INPP5D: variants seen among roughly 807,000 people sequenced by gnomAD.
INPP5D encodes phosphatidylinositol 3,4,5-trisphosphate 5-phosphatase 1.
In INPP5D, 33 loss-of-function variants were observed where a neutral mutation model predicts 122.9. That is an observed-to-expected ratio of 0.27 (90% CI 0.20 to 0.36). The LOEUF (loss-of-function observed/expected upper bound fraction) is 0.36. INPP5D is among the 10% of genes least tolerant of loss of function. The pLI is 1.00. For missense variants in INPP5D, 1,053 were observed against 1,412.7 expected (o/e 0.75, Z 4.08); for synonymous variants, 584 against 576.2 (o/e 1.01, Z -0.19).
intron 21 of INPP5D, 76 bp downstream of exon 21, chr2:233,186,001 T>C: frequency 1.4e-6 from 2 of 1,461,366 alleles, no homozygotes; most frequent in Non-Finnish European, 1.8e-6. Flanking sequence ...GTGGCAGAGC[T>C]ATGGCCAGGC....
At chr2:233,204,000 A>G in intron 25 of INPP5D, 126 bp from the exon 26 acceptor site, 1 of 1,375,724 alleles carries the variant, frequency 7.3e-7, no homozygotes, top group Non-Finnish European at 9.5e-7. Context: ...TTGCAATGTT[A>G]CATGTCTCTA....
chr2:233,103,930 C>A (rs868110318), intron 2 of INPP5D, among the ~76,000 whole-genome samples: 3 of 149,450 alleles, frequency 2.0e-5, no homozygotes, highest in African/African-American at 5.0e-5. Flanking sequence ...TGGTCTCGAA[C>A]TCCTGACCTC....
At chr2:233,143,009 C>T (rs1289977027) in intron 6 of INPP5D, among the ~76,000 whole-genome samples, 2 of 152,292 alleles carry the variant, frequency 1.3e-5, no homozygotes, top group Non-Finnish European at 2.9e-5. Context: ...AGGGCAAAAT[C>T]GCCACCAGCT....
At position 233,170,659 on chromosome 2, in the gene INPP5D, TTTAGGAGGCCGAGG is replaced by T. The variant is rs1694470143; in HGVS notation, c.1900+56_1900+69del. The T allele has an allele frequency of 6.3e-7, 1 of 1,595,386 alleles. No individual in the cohort carries two copies. Among genetic ancestry groups the T allele is most frequent in the African/African-American group, 1.3e-5 (1 of 74,420 alleles). On this transcript the variant is annotated intron_variant, in intron 16 of 26. Coordinates refer to ENST00000445964, the MANE Select transcript of INPP5D (RefSeq NM_001017915.3). The surrounding 1 kb of genome is among the most constrained non-coding windows in gnomAD (Gnocchi z 4.5). ...TGGCTCACACCTGTAATCCCAGCAC[TTTAGGAGGCCGAGG>T]CGGGCGGATCACGAGATCAGGAGAT...
Position 233,161,651 on chromosome 2 carries a change from C to T in INPP5D, c.1138-73C>T. 4.7e-6 allele frequency: 7 copies of T among 1,483,902 alleles called. No homozygotes were observed. The Admixed American group carries it at 1.2e-4, about 26-fold the overall frequency. The allele number at this position is 1,483,902 out of a possible 1,614,324, so 91.9% of individuals were successfully genotyped here. A position where few individuals can be genotyped will look rare whatever the true frequency, so the allele number is the denominator to read the frequency against. ...CTCCTCTCAGTTTTCTTGAAGCTGA[C>T]CAAGTCCTTTGCAAAGTGTAATGTG... On this transcript the variant is annotated intron_variant, in intron 10 of 26. Transcript: ENST00000445964.
chr2:233,131,799 T>G (rs1236360276), intron 5 of INPP5D, among the ~76,000 whole-genome samples: 1 of 152,236 alleles, frequency 6.6e-6, no homozygotes, highest in Non-Finnish European at 1.5e-5. Context: ...GTTTTGTGTT[T>G]TATTACACAT....
intron 2 of INPP5D, among the ~76,000 whole-genome samples, chr2:233,097,798 G>C (rs904368072): frequency 2.0e-5 from 3 of 152,126 alleles, no homozygotes; most frequent in Non-Finnish European, 2.9e-5. Flanking sequence ...CTCATTTAGG[G>C]ACAGGGGAGT....
chr2:233,102,869 C>CAAAAAAAAA (rs1041744645), intron 2 of INPP5D, among the ~76,000 whole-genome samples: 28 of 145,978 alleles, frequency 1.9e-4, no homozygotes, highest in African/African-American at 4.1e-4. Context: ...AAAAAACAAC[C>CAAAAAAAAA]AAAAAACCAC....
chr2:233,174,351 G>GCAT, intron 17 of INPP5D, among the ~76,000 whole-genome samples: 1 of 152,370 alleles, frequency 6.6e-6, no homozygotes, highest in Non-Finnish European at 1.5e-5. Flanking sequence ...AGCTACAGCA[G>GCAT]CACTACGTGA....
intron 9 of INPP5D, among the ~76,000 whole-genome samples, chr2:233,150,034 TA>T: frequency 1.3e-5 from 2 of 152,228 alleles, no homozygotes; most frequent in South Asian, 2.1e-4. Flanking sequence ...CCCCTGTGTA[TA>T]GTGGCAAGTT....
intron 1 of INPP5D, among the ~76,000 whole-genome samples, chr2:233,063,176 GC>G (rs941927055): frequency 1.3e-5 from 2 of 152,152 alleles, no homozygotes; most frequent in African/African-American, 4.8e-5. Flanking sequence ...AGCAGGCTTT[GC>G]CCCCCTAGCC....
At position 233,189,924 on chromosome 2, in the gene INPP5D, C is replaced by T. The variant is rs201990211; in HGVS notation, c.2433C>T (p.Ser811=). ...HILISIKSSD[S]DESYGEGCIA... is the part of the protein sequence containing the mutation. ...TCATCAGCATCAAGTCCTCTGACAG[C>T]GACGAATCCTATGGTAAGGGTCTGT... The change falls in exon 22 of 27, where the codon AGC becomes AGT. Residue 811 remains serine (S), a synonymous_variant. Coordinates refer to ENST00000445964, the MANE Select transcript of INPP5D (RefSeq NM_001017915.3). This position sits in a 1 kb window ranked among gnomAD's most constrained non-coding sequence, Gnocchi z 5.6. The T allele has an allele frequency of 1.2e-4, 186 of 1,613,520 alleles. No individual in the cohort carries two copies. The highest frequency in any genetic ancestry group is 1.5e-4 in the Admixed American group (9 of 59,976).
At chr2:233,195,524 G>T in intron 24 of INPP5D, 29 bp downstream of exon 24, 3 of 1,612,798 alleles carry the variant, frequency 1.9e-6, no homozygotes, top group East Asian at 2.2e-5. Flanking sequence ...GGGTGTTGGG[G>T]GGGGTGGATA....
At chr2:233,171,350 A>AC (rs1694490553) in intron 17 of INPP5D, 198 bp downstream of exon 17, 1 of 683,928 alleles carries the variant, frequency 1.5e-6, no homozygotes, top group South Asian at 2.8e-5. Flanking sequence ...TGGGAAAATA[A>AC]CCCTTGTGAT....
At chr2:233,111,406 T>C (rs1234152454) in intron 2 of INPP5D, among the ~76,000 whole-genome samples, 2 of 152,226 alleles carry the variant, frequency 1.3e-5, no homozygotes, top group Non-Finnish European at 2.9e-5. Context: ...GGGCTGAGGC[T>C]CAATCCAGGA....
intron 2 of INPP5D, among the ~76,000 whole-genome samples, chr2:233,114,011 C>T (rs926150293): frequency 2.6e-5 from 4 of 151,472 alleles, no homozygotes; most frequent in East Asian, 1.9e-4. Context: ...CCCGGGTTCA[C>T]GCCATTCTCC....
In INPP5D at chr2:233,197,644, C is replaced by T. The variant is rs940671154; in HGVS notation, c.2694-451C>T. On this transcript the variant is annotated intron_variant, in intron 24 of 26. Transcript: ENST00000445964. This position sits in a 1 kb window ranked among gnomAD's most constrained non-coding sequence, Gnocchi z 4.4. ...TCTCCCCTTCTTTCTCTCTTATCTG[C>T]TTATCTTCTTATCTCAGATGAAAGA... is the stretch of plus-strand genomic sequence containing the variant. Among the ~76,000 whole-genome samples, 1 of 152,208 alleles carries T rather than the reference C, an allele frequency of 6.6e-6. No individual in the cohort carries two copies. The highest frequency in any genetic ancestry group is 1.5e-5 in the Non-Finnish European group (1 of 68,030).
chr2:233,171,601 C>A (rs1228040156), intron 17 of INPP5D, among the ~76,000 whole-genome samples: 1 of 152,156 alleles, frequency 6.6e-6, no homozygotes, highest in Non-Finnish European at 1.5e-5. Flanking sequence ...CATGGAACAC[C>A]AATTAATGTC....
chr2:233,122,809 A>G (rs1450737416), intron 3 of INPP5D, among the ~76,000 whole-genome samples: 1 of 150,780 alleles, frequency 6.6e-6, no homozygotes, highest in Non-Finnish European at 1.5e-5. Context: ...CTTGTCTAAG[A>G]AAAAAAAAGA....
Sources: gnomAD v4.1 joint callset for allele counts (sites outside exome capture counted in the v4.1 genomes callset) on GRCh38, gnomAD v4.1.1 for gene constraint, Gnocchi (gnomAD v3.1) non-coding constraint, MANE v1.5 for transcripts, NCBI Gene and HGNC (gene_info 2026-07-23, HGNC 2026-07-21) for gene names.